Variants in WWC2 observed in about 807,000 individuals in gnomAD.
WWC2 encodes the protein protein WWC2.
WWC2 carries 101 observed loss-of-function variants against 138.5 expected under a neutral mutation model. The observed-to-expected ratio is 0.73, with a 90% CI of 0.62 to 0.86. The LOEUF is 0.86. WWC2 is among the 40% of genes least tolerant of loss of function. The pLI is 0.00. For missense variants in WWC2, 1,420 were observed against 1,419.4 expected, an observed-to-expected ratio of 1.00 and a Z score of -0.01; for synonymous variants, 558 against 538.4, an observed-to-expected ratio of 1.04 and a Z score of -0.50.
At position 183,248,829 on chromosome 4, in the gene WWC2, A is replaced by G; in HGVS notation, c.848A>G (p.Asp283Gly). 2 of 1,601,718 alleles carry G rather than the reference A, an allele frequency of 1.2e-6. No individual in the cohort carries two copies. The highest frequency in any genetic ancestry group is 1.7e-6 in the Non-Finnish European group (2 of 1,173,168). The change falls in exon 7 of 23, where the codon GAT (aspartate) becomes GGT (glycine). Residue 283 changes from aspartate (D) to glycine (G), a missense_variant. Physicochemically the swap from Asp to Gly is moderately conservative, Grantham distance 94. Transcript: ENST00000403733. Reference protein sequence around the residue: ...SHLCLSRQTLDAGSQTSISGD... With the variant: ...SHLCLSRQTLGAGSQTSISGD... The stretch of plus-strand genomic sequence containing the variant: ...TTATGTCTCTCCAGACAGACCCTTG[A>G]TGCTGGGTCACAAACAAGCATTTCC...
chr4:183,141,049 C>T (rs1025079470), intron 1 of WWC2, among the ~76,000 whole-genome samples: 47 of 152,094 alleles, frequency 3.1e-4, no homozygotes, highest in Admixed American at 2.2e-3. Context: ...CAGGAAGTAC[C>T]GAACAGCCAG....
intron 1 of WWC2, among the ~76,000 whole-genome samples, chr4:183,168,000 C>T (rs1031021107): frequency 1.3e-5 from 2 of 151,620 alleles, no homozygotes; most frequent in South Asian, 2.1e-4. Context: ...GGACTACAGG[C>T]GTGCGCCACC....
At chr4:183,289,306 A>T in intron 20 of WWC2, 87 bp from the exon 21 acceptor site, 1 of 1,513,732 alleles carries the variant, frequency 6.6e-7, no homozygotes, top group Non-Finnish European at 8.9e-7. Context: ...AGGAAGCACC[A>T]TCCATCATGC....
At chr4:183,274,191 T>G (rs1737781965) in intron 16 of WWC2, among the ~76,000 whole-genome samples, 1 of 152,208 alleles carries the variant, frequency 6.6e-6, no homozygotes, top group African/African-American at 2.4e-5. Flanking sequence ...TAAAGATTAT[T>G]TTGGCTATTC....
intron 5 of WWC2, among the ~76,000 whole-genome samples, chr4:183,244,582 TATAG>T (rs1247310736): frequency 1.1e-4 from 16 of 149,608 alleles, no homozygotes; most frequent in Non-Finnish European, 2.1e-4. Context: ...TATATATATA[TATAG>T]AGAGAGAGAG....
intron 2 of WWC2, among the ~76,000 whole-genome samples, chr4:183,197,276 A>C (rs1171887058): frequency 6.6e-6 from 1 of 152,200 alleles, no homozygotes; most frequent in African/African-American, 2.4e-5. Context: ...ACCGACAGCA[A>C]ACAGTTCACC....
In WWC2 at chr4:183,315,733, C is replaced by A. The variant is rs1488915336; in HGVS notation, c.*4C>A. On this transcript the variant is annotated 3_prime_UTR_variant, in exon 23 of 23. Transcript: ENST00000403733. ...CCTGCCAGCTGATGATGTGTGATTA[C>A]ATGACTTAAGAAATTATTTTTTCAT... The A allele has an allele frequency of 6.2e-7, 1 of 1,608,230 alleles. No homozygotes were observed. The highest frequency in any genetic ancestry group is 1.3e-5 in the African/African-American group (1 of 74,776).
chr4:183,236,549 A>T (rs754029192), intron 4 of WWC2, among the ~76,000 whole-genome samples: 1 of 152,230 alleles, frequency 6.6e-6, no homozygotes, highest in Admixed American at 6.5e-5. Context: ...GGATTGGCCA[A>T]CACTCAGTTA....
intron 21 of WWC2, among the ~76,000 whole-genome samples, chr4:183,290,593 A>G (rs1738416333): frequency 6.6e-6 from 1 of 152,184 alleles, no homozygotes; most frequent in South Asian, 2.1e-4. Context: ...AATTTTCAAG[A>G]ATCTGCATAC....
chr4:183,296,769 T>C (rs1738642564), intron 21 of WWC2, among the ~76,000 whole-genome samples: 1 of 151,366 alleles, frequency 6.6e-6, no homozygotes, highest in African/African-American at 2.4e-5. Context: ...CCCTCTCTAC[T>C]AAAAACACAA....
At chr4:183,158,745 C>T (rs1335169002) in intron 1 of WWC2, among the ~76,000 whole-genome samples, 1 of 152,052 alleles carries the variant, frequency 6.6e-6, no homozygotes, top group African/African-American at 2.4e-5. Flanking sequence ...CACCATTTTA[C>T]CCCTGTTAAA....
intron 16 of WWC2, among the ~76,000 whole-genome samples, chr4:183,272,224 G>A (rs1282452709): frequency 3.3e-5 from 5 of 152,286 alleles, no homozygotes. Flanking sequence ...CTGTGTGTGA[G>A]AAACTATAGT....
chr4:183,228,939 G>A (rs908178070), intron 4 of WWC2, among the ~76,000 whole-genome samples: 68 of 152,114 alleles, frequency 4.5e-4, no homozygotes, highest in African/African-American at 1.6e-3. Context: ...ACAGTGTTGA[G>A]TGGGTGAAGC....
chr4:183,110,805 T>C (rs1732206493), intron 1 of WWC2, among the ~76,000 whole-genome samples: 1 of 152,176 alleles, frequency 6.6e-6, no homozygotes, highest in Non-Finnish European at 1.5e-5. Flanking sequence ...GGCTTTCCTT[T>C]GGTGTGAACT....
intron 8 of WWC2, among the ~76,000 whole-genome samples, chr4:183,253,146 T>A (rs1290725593): frequency 6.6e-6 from 1 of 152,118 alleles, no homozygotes; most frequent in African/African-American, 2.4e-5. Flanking sequence ...TCCCAAAGTG[T>A]CAGATTACAG....
intron 8 of WWC2, among the ~76,000 whole-genome samples, 191 bp from the exon 9 acceptor site, chr4:183,253,566 C>T (rs1229871071): frequency 1.3e-5 from 2 of 152,128 alleles, no homozygotes; most frequent in African/African-American, 4.8e-5. Flanking sequence ...AGTGCAGAGA[C>T]AGGCCCAGAG....
chr4:183,107,205 T>C (rs1320267731), intron 1 of WWC2, among the ~76,000 whole-genome samples: 5 of 152,106 alleles, frequency 3.3e-5, no homozygotes, highest in Non-Finnish European at 4.4e-5. Flanking sequence ...TTGCCCAGGC[T>C]GGAGTGCAGT....
Position 183,165,021 on chromosome 4 carries a change from G to C in WWC2, c.132-28578G>C, listed in dbSNP as rs188963165. Among the ~76,000 whole-genome samples, 13 of 152,274 alleles carry C rather than the reference G, an allele frequency of 8.5e-5. No homozygotes were observed. The East Asian group carries it at 2.5e-3, about 29-fold the overall frequency. On this transcript the variant is annotated intron_variant, in intron 1 of 22. Coordinates refer to ENST00000403733, the MANE Select transcript of WWC2 (RefSeq NM_024949.6). Reference sequence around the variant, plus strand: ...AAATGTTAGACTCATTTAAGAGCTGGATTAACAATCATTACCTCTAGCATA... The same window carrying C: ...AAATGTTAGACTCATTTAAGAGCTGCATTAACAATCATTACCTCTAGCATA...
At chr4:183,282,290 C>T (rs755545155) in intron 17 of WWC2, among the ~76,000 whole-genome samples, 1 of 152,096 alleles carries the variant, frequency 6.6e-6, no homozygotes, top group Non-Finnish European at 1.5e-5. Flanking sequence ...TGAGTACACT[C>T]AATAAAATGA....
Sources: allele counts gnomAD v4.1 joint callset (sites outside exome capture counted in the v4.1 genomes callset), GRCh38; gene constraint gnomAD v4.1.1; transcripts MANE v1.5; gene names NCBI Gene and HGNC (gene_info 2026-07-23, HGNC 2026-07-21).